C9orf43: variants seen among roughly 807,000 people sequenced by gnomAD.
The protein encoded by C9orf43 is chromosome 9 open reading frame 43.
In C9orf43, 45 loss-of-function variants were observed where a neutral mutation model predicts 59.1. That is an observed-to-expected ratio of 0.76 (90% CI 0.60 to 0.98). C9orf43 has a LOEUF of 0.98. Ranked by LOEUF, C9orf43 falls within the 50% of genes least tolerant of loss-of-function variation. C9orf43 has a pLI of 0.00. For missense variants in C9orf43, 533 were observed against 554.9 expected (o/e 0.96, Z 0.40); for synonymous variants, 203 against 196.8 (o/e 1.03, Z -0.26).
rs766857990 is a variant in C9orf43 at position 113,425,354 on chromosome 9, A to ACAGCAGCAGCGGCAG, written c.887_901dup (p.Arg296_Gln300dup). On this transcript the variant is annotated inframe_insertion, in exon 10 of 14. Transcript: ENST00000374165. ...CTCTCTGGTCACCAGGTTACAGGAAACAGCAGCAGCGGCAGCAGCAGCAGC... is the reference window on the plus strand; with the variant it reads ...CTCTCTGGTCACCAGGTTACAGGAAACAGCAGCAGCGGCAGCAGCAGCAGCGGCAGCAGCAGCAGC... 1 of 1,613,788 alleles carries ACAGCAGCAGCGGCAG rather than the reference A, an allele frequency of 6.2e-7. No homozygotes were observed. The highest frequency in any genetic ancestry group is 1.1e-5 in the South Asian group (1 of 91,036).
At chr9:113,423,220 T>C (rs923239885) in intron 6 of C9orf43, 106 bp from the exon 7 acceptor site, 11 of 1,111,932 alleles carry the variant, frequency 9.9e-6, no homozygotes, top group Non-Finnish European at 1.3e-5. Context: ...GAGGCAACCA[T>C]GGCTGGAGTA....
chr9:113,428,072 G>A, intron 11 of C9orf43, 75 bp from the exon 12 acceptor site: 2 of 1,434,964 alleles, frequency 1.4e-6, no homozygotes, highest in Non-Finnish European at 2.0e-6. Flanking sequence ...TGTAGACTAG[G>A]GGTCACCTAG....
Position 113,420,253 on chromosome 9 carries a change from T to C in C9orf43, c.346-850T>C, listed in dbSNP as rs144491807. On this transcript the variant is annotated intron_variant, in intron 4 of 13. Transcript: ENST00000374165. ...AGACTACAGGCACACACCACCACAC[T>C]TGGCTAATTAAAAACTTTTTGTAGA... is the stretch of plus-strand genomic sequence containing the variant. Among the ~76,000 whole-genome samples, 18 of 152,178 alleles carry C rather than the reference T, an allele frequency of 1.2e-4. No homozygotes were observed. In the East Asian group the frequency reaches 3.3e-3, roughly 28 times the overall value.
At chr9:113,423,223 C>A (rs929193431) in intron 6 of C9orf43, 103 bp from the exon 7 acceptor site, 15 of 1,147,258 alleles carry the variant, frequency 1.3e-5, no homozygotes, top group Admixed American at 9.4e-5. Context: ...GCAACCATGG[C>A]TGGAGTACAT....
Position 113,421,188 on chromosome 9 carries a change from C to T in C9orf43, c.431C>T (p.Thr144Ile), listed in dbSNP as rs758317850. 3 of 1,610,956 alleles carry T rather than the reference C, an allele frequency of 1.9e-6. No individual in the cohort carries two copies. The highest frequency in any genetic ancestry group is 1.7e-6 in the Non-Finnish European group (2 of 1,177,406). The change falls in exon 5 of 14, where the codon ACA (threonine) becomes ATA (isoleucine). Residue 144 changes from threonine (T) to isoleucine (I), a missense_variant. Coordinates refer to ENST00000374165, the MANE Select transcript of C9orf43 (RefSeq NM_001278629.2). The part of the protein sequence containing the change: ...NMVVLWIPEE[T>I]EIHVSQHGKK... ...GTTGTATTGTGGATCCCAGAAGAAA[C>T]AGAGATACATGTGAGGTGAGTATCA...
intron 3 of C9orf43, among the ~76,000 whole-genome samples, chr9:113,417,851 A>C (rs983158276): frequency 1.8e-4 from 28 of 152,230 alleles, no homozygotes; most frequent in Non-Finnish European, 7.4e-5. Flanking sequence ...AACAGGAAGC[A>C]GGAGTCTGTG....
intron 3 of C9orf43, among the ~76,000 whole-genome samples, chr9:113,417,793 G>T (rs565851036): frequency 1.7e-4 from 26 of 152,354 alleles, no homozygotes; most frequent in Admixed American, 2.6e-4. Flanking sequence ...AGAACATAGA[G>T]CAGGAATGGA....
At position 113,429,636 on chromosome 9, in the gene C9orf43, T is replaced by A; in HGVS notation, c.*250T>A. The A allele has an allele frequency of 2.3e-6, 1 of 443,960 alleles. No homozygotes were observed. Among genetic ancestry groups the A allele is most frequent in the African/African-American group, 2.0e-5 (1 of 50,552 alleles). The allele number at this position is 443,960 out of a possible 1,614,324, so 27.5% of individuals were successfully genotyped here. A position where few individuals can be genotyped will look rare whatever the true frequency, so the allele number is the denominator to read the frequency against. On this transcript the variant is annotated 3_prime_UTR_variant, in exon 14 of 14. Coordinates refer to ENST00000374165, the MANE Select transcript of C9orf43 (RefSeq NM_001278629.2). Reference sequence around the variant, plus strand: ...CTTTTTAAATTTAGATTATTTCCTTTCCATTAGGGTCAGAATAATTTTGGT... The same window carrying A: ...CTTTTTAAATTTAGATTATTTCCTTACCATTAGGGTCAGAATAATTTTGGT...
At chr9:113,425,279 G>C in intron 9 of C9orf43, 65 bp from the exon 10 acceptor site, 2 of 1,600,576 alleles carry the variant, frequency 1.2e-6, no homozygotes, top group Non-Finnish European at 1.7e-6. Flanking sequence ...GGAAGGCACA[G>C]CAGGCATTCC....
chr9:113,413,167 A>G (rs1828233986), intron 1 of C9orf43, among the ~76,000 whole-genome samples: 1 of 152,242 alleles, frequency 6.6e-6, no homozygotes, highest in Non-Finnish European at 1.5e-5. Flanking sequence ...TCCTCATTTT[A>G]CAGTGGAGGC....
intron 4 of C9orf43, among the ~76,000 whole-genome samples, chr9:113,419,787 G>A (rs1475159150): frequency 6.6e-6 from 1 of 152,162 alleles, no homozygotes; most frequent in East Asian, 1.9e-4. Context: ...TATCTTGCAG[G>A]TGAGGAAACT....
chr9:113,429,547 G>T lies in C9orf43; in HGVS notation c.*161G>T, dbSNP rs1318368. On this transcript the variant is annotated 3_prime_UTR_variant, in exon 14 of 14. Coordinates refer to ENST00000374165, the MANE Select transcript of C9orf43 (RefSeq NM_001278629.2). ...CCAGGGCCTGAGCTCTGAGCTTAGGGATTCCATTTTCTTTGTTCACCTCTA... is the reference window on the plus strand; with the variant it reads ...CCAGGGCCTGAGCTCTGAGCTTAGGTATTCCATTTTCTTTGTTCACCTCTA... 1.5e-3 allele frequency: 911 copies of T among 605,528 alleles called. 8 individuals carry two copies. In the African/African-American group the frequency reaches 0.015, roughly 10 times the overall value. The allele number at this position is 605,528 out of a possible 1,614,324, so 37.5% of individuals were successfully genotyped here. A position where few individuals can be genotyped will look rare whatever the true frequency, so the allele number is the denominator to read the frequency against.
chr9:113,427,933 C>T (rs1273311368), intron 11 of C9orf43, among the ~76,000 whole-genome samples: 1 of 152,118 alleles, frequency 6.6e-6, no homozygotes, highest in Non-Finnish European at 1.5e-5. Context: ...CACACTTGAG[C>T]GTAATCTCTA....
rs1828914764 is a variant in C9orf43 at position 113,429,516 on chromosome 9, C to G, written c.*130C>G. On this transcript the variant is annotated 3_prime_UTR_variant, in exon 14 of 14. Transcript: ENST00000374165. ...GGAGAGGGGCTTCTGCTCTCTGGAGCCTTTACCAGGGCCTGAGCTCTGAGC... is the reference window on the plus strand; with the variant it reads ...GGAGAGGGGCTTCTGCTCTCTGGAGGCTTTACCAGGGCCTGAGCTCTGAGC... 1 of 714,884 alleles carries G rather than the reference C, an allele frequency of 1.4e-6. No individual in the cohort carries two copies. The highest frequency in any genetic ancestry group is 2.7e-5 in the East Asian group (1 of 37,008). The allele number at this position is 714,884 out of a possible 1,614,324, so 44.3% of individuals were successfully genotyped here.
chr9:113,420,291 C>A lies in C9orf43; in HGVS notation c.346-812C>A, dbSNP rs1323620792. On this transcript the variant is annotated intron_variant, in intron 4 of 13. Coordinates refer to ENST00000374165, the MANE Select transcript of C9orf43 (RefSeq NM_001278629.2). ...AACTTTTTGTAGAAACAGGGTCTCA[C>A]TATGTTGCCCAGGCTGGTCTCAAAC... Among the ~76,000 whole-genome samples, 4 of 152,098 alleles carry A rather than the reference C, an allele frequency of 2.6e-5. No homozygotes were observed. The East Asian group carries it at 7.7e-4, about 29-fold the overall frequency.
intron 11 of C9orf43, among the ~76,000 whole-genome samples, 157 bp downstream of exon 11, chr9:113,425,887 C>T (rs1156976655): frequency 6.6e-6 from 1 of 152,194 alleles, no homozygotes; most frequent in Non-Finnish European, 1.5e-5. Flanking sequence ...GTCTCTCATG[C>T]ACCATCCTTC....
At chr9:113,412,606 T>C (rs779538562) in intron 1 of C9orf43, among the ~76,000 whole-genome samples, 1 of 152,256 alleles carries the variant, frequency 6.6e-6, no homozygotes, top group Non-Finnish European at 1.5e-5. Flanking sequence ...ACACCTCCCA[T>C]GAATAAAAGT....
At position 113,413,425 on chromosome 9, in the gene C9orf43, T is replaced by C. The variant is rs1026910037; in HGVS notation, c.-49-20T>C. 6 of 1,555,570 alleles carry C rather than the reference T, an allele frequency of 3.9e-6. No homozygotes were observed. The highest frequency in any genetic ancestry group is 5.2e-6 in the Non-Finnish European group (6 of 1,145,630). ...GCTAATGTATAATACTCCCTAATTA[T>C]GTAGCTGTTGATTTTCCAGAGCACT... On this transcript the variant is annotated intron_variant, in intron 1 of 13. Transcript: ENST00000374165.
Position 113,413,850 on chromosome 9 carries a change from T to C in C9orf43, c.243T>C (p.Ser81=). Residue 81 remains serine (S), a synonymous_variant, in exon 3 of 14, where the codon TCT becomes TCC. Transcript: ENST00000374165. The part of the protein sequence containing the change: ...LPECTFTKAH[S]LLSQSSKFYS... ...AATGTACCTTTACTAAGGCCCATTC[T>C]TTATTGTCTCAGAGTTCAAAGTTTT... 1 of 1,613,534 alleles carries C rather than the reference T, an allele frequency of 6.2e-7. No individual in the cohort carries two copies. The highest frequency in any genetic ancestry group is 2.2e-5 in the East Asian group (1 of 44,902).
Sources: gnomAD v4.1 joint callset for allele counts (sites outside exome capture counted in the v4.1 genomes callset) on GRCh38, gnomAD v4.1.1 for gene constraint, MANE v1.5 for transcripts, NCBI Gene and HGNC (gene_info 2026-07-23, HGNC 2026-07-21) for gene names.